The following B3GALT1 variants were observed in gnomAD, a reference collection of about 807,000 sequenced individuals.
B3GALT1 encodes beta-1,3-galactosyltransferase 1.
In B3GALT1, 10 loss-of-function variants were observed where a neutral mutation model predicts 23.2. That is an observed-to-expected ratio of 0.43 (90% CI 0.27 to 0.73). B3GALT1 has a LOEUF of 0.73. Ranked by LOEUF, B3GALT1 falls within the 30% of genes least tolerant of loss-of-function variation. The pLI is 0.21. For synonymous variants in B3GALT1, 156 were observed against 141.5 expected (o/e 1.10, Z -0.73); for missense variants, 299 against 405.4 (o/e 0.74, Z 2.25).
chr2:167,466,568 T>C (rs1574091437), intron 1 of B3GALT1, among the ~76,000 whole-genome samples: 1 of 118,466 alleles, frequency 8.4e-6, no homozygotes, highest in African/African-American at 3.3e-5. Flanking sequence ...AGCAGTGAGC[T>C]AAGATCCCGC....
intron 3 of B3GALT1, among the ~76,000 whole-genome samples, chr2:167,740,470 C>A (rs964759546): frequency 2.0e-5 from 3 of 151,972 alleles, no homozygotes; most frequent in Non-Finnish European, 2.9e-5. Flanking sequence ...TGAAAAAAGT[C>A]TTTTGTGGAC....
chr2:167,536,084 T>C (rs2105370810), intron 2 of B3GALT1, among the ~76,000 whole-genome samples: 1 of 152,188 alleles, frequency 6.6e-6, no homozygotes, highest in African/African-American at 2.4e-5. Context: ...TTTTTGTACT[T>C]TTAGTAGAGA....
At chr2:167,369,915 G>A (rs902179032) in intron 1 of B3GALT1, among the ~76,000 whole-genome samples, 6 of 151,854 alleles carry the variant, frequency 4.0e-5, no homozygotes, top group Non-Finnish European at 8.8e-5. Context: ...TATTTAGGAA[G>A]GTGCTATTTA....
At chr2:167,408,887 A>G (rs1559087721) in intron 1 of B3GALT1, among the ~76,000 whole-genome samples, 1 of 152,114 alleles carries the variant, frequency 6.6e-6, no homozygotes, top group Non-Finnish European at 1.5e-5. Flanking sequence ...CACAAAATGG[A>G]AAGATATTGC....
At chr2:167,469,464 T>C (rs1699394200) in intron 1 of B3GALT1, among the ~76,000 whole-genome samples, 2 of 152,186 alleles carry the variant, frequency 1.3e-5, no homozygotes, top group African/African-American at 4.8e-5. Context: ...AAATTTTAAG[T>C]TGAAAATTAA....
chr2:167,414,715 A>T (rs1423080440), intron 1 of B3GALT1, among the ~76,000 whole-genome samples: 1 of 152,192 alleles, frequency 6.6e-6, no homozygotes, highest in African/African-American at 2.4e-5. Context: ...CACTGTAAAC[A>T]CTGTTGGAAA....
chr2:167,560,568 G>A (rs187473608), intron 2 of B3GALT1, among the ~76,000 whole-genome samples: 2,782 of 152,096 alleles, frequency 0.018, 32 homozygotes, highest in Non-Finnish European at 0.027. Context: ...CGCATCTCAT[G>A]TGCAGAGACA....
At chr2:167,573,089 A>G (rs553927014) in intron 2 of B3GALT1, among the ~76,000 whole-genome samples, 1 of 151,844 alleles carries the variant, frequency 6.6e-6, no homozygotes, top group Non-Finnish European at 1.5e-5. Context: ...CTGTGTGCAA[A>G]GGTGATCTGT....
chr2:167,749,668 T>A (rs1363665634), intron 3 of B3GALT1, among the ~76,000 whole-genome samples: 1 of 152,208 alleles, frequency 6.6e-6, no homozygotes, highest in Non-Finnish European at 1.5e-5. Context: ...CTATGGTAAG[T>A]AAATCCTCTC....
chr2:167,340,831 A>G (rs894535332), intron 1 of B3GALT1, among the ~76,000 whole-genome samples: 2 of 152,232 alleles, frequency 1.3e-5, no homozygotes, highest in African/African-American at 4.8e-5. Flanking sequence ...GAAAAGATAG[A>G]AGCATGAAAT....
At chr2:167,724,023 A>G (rs1207337745) in intron 3 of B3GALT1, among the ~76,000 whole-genome samples, 1 of 152,212 alleles carries the variant, frequency 6.6e-6, no homozygotes. Flanking sequence ...CTAAGTGATG[A>G]AGATTCAACC....
At position 167,503,077 on chromosome 2, in the gene B3GALT1, G is replaced by A. The variant is rs150179669; in HGVS notation, c.-410+12800G>A. Among the ~76,000 whole-genome samples, 263 of 151,922 alleles carry A rather than the reference G, an allele frequency of 1.7e-3. 1 individual carries two copies. The highest frequency in any genetic ancestry group is 6.1e-3 in the African/African-American group (253 of 41,462). On this transcript the variant is annotated intron_variant, in intron 2 of 4. Coordinates refer to ENST00000392690, the MANE Select transcript of B3GALT1 (RefSeq NM_020981.4). ...TAAAAATAAAAAATAAATAAAATTCGACATGAGATTTGAGCAGAGACACAA... is the reference window on the plus strand; with the variant it reads ...TAAAAATAAAAAATAAATAAAATTCAACATGAGATTTGAGCAGAGACACAA...
chr2:167,706,144 A>C lies in B3GALT1; in HGVS notation c.-352+59178A>C, dbSNP rs1023428850. Among the ~76,000 whole-genome samples, 5 of 152,212 alleles carry C rather than the reference A, an allele frequency of 3.3e-5. No homozygotes were observed. The East Asian group carries it at 9.6e-4, about 29-fold the overall frequency. On this transcript the variant is annotated intron_variant, in intron 3 of 4. Transcript: ENST00000392690. ...TAACTGATATGAAAGAGCACAAGAT[A>C]CAGAAAATTTAACTTCCCTCATTTT...
At chr2:167,300,156 T>G (rs911369690) in intron 1 of B3GALT1, among the ~76,000 whole-genome samples, 1 of 152,168 alleles carries the variant, frequency 6.6e-6, no homozygotes, top group African/African-American at 2.4e-5. Context: ...TTGCCTGCCT[T>G]GGCCTCCCAA....
intron 3 of B3GALT1, among the ~76,000 whole-genome samples, chr2:167,669,815 TC>T (rs1168139894): frequency 1.3e-5 from 2 of 152,014 alleles, no homozygotes; most frequent in Non-Finnish European, 2.9e-5. Context: ...GTGCCTGGCT[TC>T]CCAAGCCATG....
At chr2:167,810,683 C>G (rs1252462628) in intron 3 of B3GALT1, among the ~76,000 whole-genome samples, 1 of 150,832 alleles carries the variant, frequency 6.6e-6, no homozygotes, top group Non-Finnish European at 1.5e-5. Context: ...CTTGCTAAGC[C>G]TCATAGATCC....
intron 3 of B3GALT1, among the ~76,000 whole-genome samples, chr2:167,680,973 CT>C (rs1574209726): frequency 6.6e-6 from 1 of 152,012 alleles, no homozygotes; most frequent in African/African-American, 2.4e-5. Flanking sequence ...AATTCTAAAG[CT>C]GATTAATTCT....
chr2:167,635,029 G>T (rs1685524003), intron 2 of B3GALT1, among the ~76,000 whole-genome samples: 1 of 152,168 alleles, frequency 6.6e-6, no homozygotes, highest in African/African-American at 2.4e-5. Context: ...TCCCTGGGAT[G>T]CAGGGTTGGT....
chr2:167,839,591 TG>T (rs1165910284), intron 4 of B3GALT1, among the ~76,000 whole-genome samples: 2 of 152,266 alleles, frequency 1.3e-5, no homozygotes, highest in Admixed American at 6.5e-5. Context: ...ATCATGAAAA[TG>T]GCCATACTGC....
Sources: gnomAD v4.1 joint callset for allele counts (sites outside exome capture counted in the v4.1 genomes callset) on GRCh38, gnomAD v4.1.1 for gene constraint, MANE v1.5 for transcripts, NCBI Gene and HGNC (gene_info 2026-07-23, HGNC 2026-07-21) for gene names.